The following SHISA9 variants were observed in gnomAD, a reference collection of about 807,000 sequenced individuals.
SHISA9 encodes protein shisa-9.
In SHISA9, 13 loss-of-function variants were observed where a neutral mutation model predicts 38.0. The observed-to-expected ratio is 0.34, with a 90% CI of 0.22 to 0.54. The LOEUF (loss-of-function observed/expected upper bound fraction) is 0.54. Ranked by LOEUF, SHISA9 falls within the 20% of genes least tolerant of loss-of-function variation. The pLI, the probability that SHISA9 is intolerant of heterozygous loss-of-function variation, is 0.91. For synonymous variants in SHISA9, 275 were observed against 242.0 expected (o/e 1.14, Z -1.27); for missense variants, 538 against 575.8 (o/e 0.93, Z 0.67).
intron 2 of SHISA9, among the ~76,000 whole-genome samples, chr16:13,015,671 A>G (rs2072733123): frequency 6.6e-6 from 1 of 152,126 alleles, no homozygotes; most frequent in Non-Finnish European, 1.5e-5. Flanking sequence ...GGTAGTTGGT[A>G]GCTGAAGGGG....
chr16:13,026,443 T>C (rs1232983170), intron 2 of SHISA9, among the ~76,000 whole-genome samples: 1 of 152,272 alleles, frequency 6.6e-6, no homozygotes, highest in Non-Finnish European at 1.5e-5. Context: ...ATTGTATGAC[T>C]ACATCTACTA....
chr16:13,360,932 TC>T, the SHISA9 span, among the ~76,000 whole-genome samples: 8 of 152,266 alleles, frequency 5.3e-5, no homozygotes, highest in African/African-American at 1.7e-4. Flanking sequence ...AATGTCCCCT[TC>T]ACCAGCTTTT....
intron 2 of SHISA9, among the ~76,000 whole-genome samples, chr16:13,153,023 A>G (rs1478530150): frequency 1.3e-5 from 2 of 152,198 alleles, no homozygotes; most frequent in Admixed American, 1.3e-4. Flanking sequence ...ATATCTGAGT[A>G]TGAGAGGGGG....
chr16:12,961,119 G>A (rs2071906293), intron 2 of SHISA9, among the ~76,000 whole-genome samples: 1 of 152,174 alleles, frequency 6.6e-6, no homozygotes, highest in Non-Finnish European at 1.5e-5. Context: ...GGCTTTAGCT[G>A]AGACCCGGAG....
chr16:12,930,723 G>C (rs1318857793), intron 2 of SHISA9, among the ~76,000 whole-genome samples: 6 of 151,994 alleles, frequency 3.9e-5, no homozygotes, highest in African/African-American at 1.5e-4. Flanking sequence ...TCCTGCTTAG[G>C]GTCACAATAT....
chr16:13,400,408 G>A, the SHISA9 span, among the ~76,000 whole-genome samples: 1 of 152,018 alleles, frequency 6.6e-6, no homozygotes, highest in Non-Finnish European at 1.5e-5. Context: ...TACTTAGCAA[G>A]TAAACTCTTT....
At position 13,116,968 on chromosome 16, in the gene SHISA9, G is replaced by C. The variant is rs80191725; in HGVS notation, c.692-86426G>C. Among the ~76,000 whole-genome samples the C allele has an allele frequency of 1.8e-3, 267 of 152,158 alleles. 2 individuals are homozygous for C. The highest frequency in any genetic ancestry group is 3.3e-3 in the Non-Finnish European group (222 of 67,982). ...TATTTTAGTTGTGTGATACTGGAAA[G>C]GTTATTTTATTTTATTTTTTGAGAC... On this transcript the variant is annotated intron_variant, in intron 2 of 4. Coordinates refer to ENST00000558583, the MANE Select transcript of SHISA9 (RefSeq NM_001145204.3).
chr16:12,927,574 A>ATT (rs772330327), intron 2 of SHISA9, among the ~76,000 whole-genome samples: 262 of 136,332 alleles, frequency 1.9e-3, no homozygotes, highest in African/African-American at 6.5e-3. Context: ...ATTTTTTTTG[A>ATT]TTTTTTTTTT....
At chr16:13,311,235 A>C in the SHISA9 span, among the ~76,000 whole-genome samples, 1 of 151,870 alleles carries the variant, frequency 6.6e-6, no homozygotes, top group Non-Finnish European at 1.5e-5. Context: ...AGATACATAT[A>C]TATTTTATAT....
the SHISA9 span, among the ~76,000 whole-genome samples, chr16:13,260,952 G>A: frequency 6.6e-6 from 1 of 152,126 alleles, no homozygotes; most frequent in South Asian, 2.1e-4. Context: ...TTACATGGTG[G>A]CAGCAAGAGA....
At chr16:12,931,812 G>A (rs568002954) in intron 2 of SHISA9, among the ~76,000 whole-genome samples, 1 of 152,276 alleles carries the variant, frequency 6.6e-6, no homozygotes, top group East Asian at 1.9e-4. Flanking sequence ...ATTTTATTAA[G>A]CAAGTACTGT....
the SHISA9 span, among the ~76,000 whole-genome samples, chr16:13,451,106 C>T: frequency 1.3e-5 from 2 of 152,110 alleles, no homozygotes. Context: ...GAACAGCCCT[C>T]AGTGATGGAT....
chr16:13,173,155 A>G (rs56409711), intron 2 of SHISA9, among the ~76,000 whole-genome samples: 58,897 of 108,508 alleles, frequency 0.54, 12,763 homozygotes, highest in East Asian at 0.71. Flanking sequence ...GCACGTGCGC[A>G]CACACACACA....
chr16:13,262,391 C>G, the SHISA9 span, among the ~76,000 whole-genome samples: 2 of 152,164 alleles, frequency 1.3e-5, no homozygotes, highest in African/African-American at 4.8e-5. Context: ...TCTCATTTCT[C>G]AGTTCCCTCC....
At chr16:13,400,158 C>T in the SHISA9 span, among the ~76,000 whole-genome samples, 1 of 152,180 alleles carries the variant, frequency 6.6e-6, no homozygotes, top group Admixed American at 6.5e-5. Context: ...CTAGAGCAAC[C>T]TTCAACCCAC....
At chr16:13,338,725 T>C in the SHISA9 span, among the ~76,000 whole-genome samples, 1 of 152,222 alleles carries the variant, frequency 6.6e-6, no homozygotes, top group Admixed American at 6.5e-5. Context: ...TCTGAGCCTG[T>C]TACAGACTCA....
the SHISA9 span, among the ~76,000 whole-genome samples, chr16:13,392,554 C>A: frequency 1.3e-5 from 2 of 152,158 alleles, no homozygotes; most frequent in Admixed American, 6.5e-5. Flanking sequence ...CAGGTGGCGG[C>A]ATTACAGATC....
chr16:13,125,061 G>C (rs1160460070), intron 2 of SHISA9, among the ~76,000 whole-genome samples: 1 of 152,122 alleles, frequency 6.6e-6, no homozygotes, highest in Non-Finnish European at 1.5e-5. Flanking sequence ...AGTGGGCAAA[G>C]ATTTCTTGAG....
the SHISA9 span, among the ~76,000 whole-genome samples, chr16:13,394,025 C>T: frequency 6.6e-6 from 1 of 152,234 alleles, no homozygotes; most frequent in Admixed American, 6.5e-5. Flanking sequence ...CCCATTGACA[C>T]TGGGTTAGCC....
Sources: allele counts gnomAD v4.1 joint callset (sites outside exome capture counted in the v4.1 genomes callset), GRCh38; gene constraint gnomAD v4.1.1; transcripts MANE v1.5; gene names NCBI Gene and HGNC (gene_info 2026-07-23, HGNC 2026-07-21).